Variants in SNX18 observed in about 807,000 individuals in gnomAD.
SNX18 encodes the protein sorting nexin 18.
In SNX18, 35 loss-of-function variants were observed where a neutral mutation model predicts 48.7. That is an observed-to-expected ratio of 0.72 (90% CI 0.55 to 0.95). SNX18 has a LOEUF of 0.95. SNX18 is among the 40% of genes least tolerant of loss of function. The pLI, the probability that SNX18 is intolerant of heterozygous loss-of-function variation, is 0.00. For missense variants in SNX18, 824 were observed against 871.0 expected (o/e 0.95, Z 0.68); for synonymous variants, 492 against 384.7 (o/e 1.28, Z -3.26).
At chr5:54,630,633 A>G in the SNX18 span, among the ~76,000 whole-genome samples, 1 of 152,234 alleles carries the variant, frequency 6.6e-6, no homozygotes, top group South Asian at 2.1e-4. Flanking sequence ...CAGGAGTTCA[A>G]GACCAGCCTG....
At chr5:54,642,029 G>A in the SNX18 span, among the ~76,000 whole-genome samples, 2 of 152,362 alleles carry the variant, frequency 1.3e-5, no homozygotes, top group Non-Finnish European at 2.9e-5. Context: ...CTCTGGGACT[G>A]AGAGACGGAC....
chr5:54,593,450 T>C, the SNX18 span, among the ~76,000 whole-genome samples: 1 of 152,334 alleles, frequency 6.6e-6, no homozygotes, highest in Non-Finnish European at 1.5e-5. Context: ...AGATTGAATA[T>C]TGTTAAGACA....
At chr5:54,559,478 A>G in the SNX18 span, among the ~76,000 whole-genome samples, 1 of 152,124 alleles carries the variant, frequency 6.6e-6, no homozygotes, top group African/African-American at 2.4e-5. Flanking sequence ...TGGGGAAAAG[A>G]CTCCCTATTC....
At chr5:54,522,367 G>A (rs1013306280) in intron 1 of SNX18, among the ~76,000 whole-genome samples, 1 of 152,198 alleles carries the variant, frequency 6.6e-6, no homozygotes, top group Non-Finnish European at 1.5e-5. Context: ...TTGGTCAACA[G>A]AAATGATAGA....
chr5:54,625,141 G>T, the SNX18 span, among the ~76,000 whole-genome samples: 95 of 152,100 alleles, frequency 6.2e-4, no homozygotes, highest in Admixed American at 1.0e-3. Flanking sequence ...CCATTCTCAG[G>T]CCATAGTGTG....
At chr5:54,602,229 T>C in the SNX18 span, among the ~76,000 whole-genome samples, 3 of 152,284 alleles carry the variant, frequency 2.0e-5, no homozygotes, top group African/African-American at 7.2e-5. Flanking sequence ...GCTGAAGACC[T>C]GAGGCTGCCT....
chr5:54,525,571 G>A (rs980407842), intron 1 of SNX18, among the ~76,000 whole-genome samples: 1 of 152,142 alleles, frequency 6.6e-6, no homozygotes, highest in African/African-American at 2.4e-5. Flanking sequence ...TGGCAACTGG[G>A]ATAAATGTAG....
At position 54,518,472 on chromosome 5, in the gene SNX18, G is replaced by A. The variant is rs1473989212; in HGVS notation, c.520G>A (p.Gly174Arg). ...GGACGAGCCGGGCGCTCTGGGCAGCGGAGCATACCCGGACCTCGACGGCTC... is the reference window on the plus strand; with the variant it reads ...GGACGAGCCGGGCGCTCTGGGCAGCAGAGCATACCCGGACCTCGACGGCTC... The part of the protein sequence containing the change: ...VADEPGALGS[G>R]AYPDLDGSSS... Residue 174 changes from glycine to arginine, a missense_variant, in exon 1 of 2, where the codon GGA becomes AGA. Coordinates refer to ENST00000381410, the MANE Select transcript of SNX18 (RefSeq NM_001102575.2). The A allele has an allele frequency of 1.9e-6, 3 of 1,570,894 alleles. No individual in the cohort carries two copies. The highest frequency in any genetic ancestry group is 8.6e-7 in the Non-Finnish European group (1 of 1,158,806).
chr5:54,539,309 T>G lies in SNX18; in HGVS notation c.1622-3870T>G, dbSNP rs564770202. Among the ~76,000 whole-genome samples, 15 of 152,344 alleles carry G rather than the reference T, an allele frequency of 9.8e-5. No individual in the cohort carries two copies. The South Asian group carries it at 2.3e-3, about 23-fold the overall frequency. On this transcript the variant is annotated intron_variant, in intron 1 of 1. Coordinates refer to ENST00000381410, the MANE Select transcript of SNX18 (RefSeq NM_001102575.2). The stretch of plus-strand genomic sequence containing the variant: ...GTCAGGCTCAAAGATGTTGAGTAAC[T>G]TCCTCAATTTCCTTGTAGTAAAACT...
In SNX18 at chr5:54,518,202, G is replaced by C. The variant is rs1293926311; in HGVS notation, c.250G>C (p.Gly84Arg). 1.4e-5 allele frequency: 19 copies of C among 1,395,920 alleles called. No homozygotes were observed. Among genetic ancestry groups the C allele is most frequent in the Non-Finnish European group, 1.8e-5 (19 of 1,084,814 alleles). 86.5% of individuals were successfully genotyped at this position (1,395,920 alleles called of 1,614,324 possible). Residue 84 changes from glycine to arginine, a missense_variant, in exon 1 of 2, where the codon GGG becomes CGG. Gly to Arg is a moderately radical substitution (Grantham distance 125). This residue lies in a region of SNX18 where 377 missense variants were observed against 350.6 expected (regional missense o/e 1.08). Transcript: ENST00000381410. ...GGCCCGCTACGCCAATGTGCCCCCCGGGGGCTTCGAGCCCCTGCCTGTCGC... is the reference window on the plus strand; with the variant it reads ...GGCCCGCTACGCCAATGTGCCCCCCCGGGGCTTCGAGCCCCTGCCTGTCGC... ...APARYANVPP[G>R]GFEPLPVAPP...
rs1761910494 is a variant in SNX18 at position 54,518,184 on chromosome 5, T to C, written c.232T>C (p.Tyr78His). 4 of 1,385,946 alleles carry C rather than the reference T, an allele frequency of 2.9e-6. No homozygotes were observed. In the South Asian group the frequency reaches 6.6e-5, roughly 23 times the overall value. The allele number at this position is 1,385,946 out of a possible 1,614,324, so 85.9% of individuals were successfully genotyped here. ...GDGGPGAPAR[Y>H]ANVPPGGFEP... The stretch of plus-strand genomic sequence containing the variant: ...CGGCGGCCCGGGCGCCCCGGCCCGC[T>C]ACGCCAATGTGCCCCCCGGGGGCTT... Residue 78 changes from tyrosine (Y) to histidine (H), a missense_variant, in exon 1 of 2, where the codon TAC becomes CAC. Coordinates refer to ENST00000381410, the MANE Select transcript of SNX18 (RefSeq NM_001102575.2).
At chr5:54,630,829 CAA>C in the SNX18 span, among the ~76,000 whole-genome samples, 9,631 of 94,414 alleles carry the variant, frequency 0.1, 319 homozygotes, top group African/African-American at 0.12. Flanking sequence ...AAGACTCAGT[CAA>C]AAAAAAAAAA....
At chr5:54,620,280 A>G in the SNX18 span, among the ~76,000 whole-genome samples, 1 of 152,128 alleles carries the variant, frequency 6.6e-6, no homozygotes, top group African/African-American at 2.4e-5. Context: ...AGCTGCTGTC[A>G]TCCCTGGGTC....
chr5:54,553,228 G>T, the SNX18 span, among the ~76,000 whole-genome samples: 8 of 152,192 alleles, frequency 5.3e-5, no homozygotes, highest in African/African-American at 1.4e-4. Flanking sequence ...AACATGATCT[G>T]CCTCGTGTGA....
chr5:54,643,837 G>A, the SNX18 span: 4 of 152,200 alleles, frequency 2.6e-5, no homozygotes, highest in African/African-American at 9.7e-5. Context: ...CACTCAAGAA[G>A]CCTTCCTTTC....
chr5:54,642,966 C>T, the SNX18 span, among the ~76,000 whole-genome samples: 2 of 152,190 alleles, frequency 1.3e-5, no homozygotes, highest in Non-Finnish European at 2.9e-5. Context: ...GGGGTGGAGA[C>T]TTAACCTTTG....
At chr5:54,550,261 A>G (rs1329854067), downstream of SNX18, among the ~76,000 whole-genome samples, 1 of 152,222 alleles carries the variant, frequency 6.6e-6, no homozygotes, top group Non-Finnish European at 1.5e-5. Flanking sequence ...CTATGGGGAA[A>G]GTGGAACCTG....
At chr5:54,641,665 T>C in the SNX18 span, among the ~76,000 whole-genome samples, 3 of 152,332 alleles carry the variant, frequency 2.0e-5, no homozygotes, top group Middle Eastern at 6.8e-3. Context: ...CAAAAATTTT[T>C]ATCCCTTGAG....
the SNX18 span, among the ~76,000 whole-genome samples, chr5:54,583,868 C>T: frequency 6.6e-6 from 1 of 152,070 alleles, no homozygotes; most frequent in Non-Finnish European, 1.5e-5. Flanking sequence ...TCTCACCCTG[C>T]CGGGTGTTCC....
Sources: allele counts gnomAD v4.1 joint callset (sites outside exome capture counted in the v4.1 genomes callset), GRCh38; gene constraint gnomAD v4.1.1; regional missense constraint gnomAD v4.1.1; transcripts MANE v1.5; gene names NCBI Gene and HGNC (gene_info 2026-07-23, HGNC 2026-07-21).